The following FANCI variants were observed in gnomAD, a reference collection of about 807,000 sequenced individuals.
FANCI encodes the protein FA complementation group I, also known as Fanconi anemia group I protein.
In FANCI, 156 loss-of-function variants were observed where a neutral mutation model predicts 176.1. The observed-to-expected ratio is 0.89, with a 90% CI of 0.78 to 1.01. FANCI has a LOEUF of 1.01. Among genes scored for constraint, FANCI ranks in the 50% least tolerant of loss-of-function variants. The pLI, the probability that FANCI is intolerant of heterozygous loss-of-function variation, is 0.00. For missense variants in FANCI, 1,678 were observed against 1,534.1 expected, an observed-to-expected ratio of 1.09 and a Z score of -1.57; for synonymous variants, 613 against 541.7, an observed-to-expected ratio of 1.13 and a Z score of -1.83.
At chr15:89,310,244 C>T (rs934344713) in intron 34 of FANCI, among the ~76,000 whole-genome samples, 1 of 152,304 alleles carries the variant, frequency 6.6e-6, no homozygotes, top group East Asian at 1.9e-4. Flanking sequence ...AGATAACTTA[C>T]AAATAAACGA....
chr15:89,252,660 A>T (rs2052310496), intron 2 of FANCI, among the ~76,000 whole-genome samples: 2 of 152,178 alleles, frequency 1.3e-5, no homozygotes, highest in Non-Finnish European at 2.9e-5. Flanking sequence ...GAATTGCTTG[A>T]ACCCGGGAGG....
intron 24 of FANCI, among the ~76,000 whole-genome samples, chr15:89,298,960 C>G (rs1401118897): frequency 3.9e-5 from 6 of 152,080 alleles, no homozygotes; most frequent in Admixed American, 1.3e-4. Context: ...CACCTGAGGT[C>G]AGCAGTTCAA....
chr15:89,295,932 C>G (rs184309328), intron 24 of FANCI, among the ~76,000 whole-genome samples: 1 of 152,122 alleles, frequency 6.6e-6, no homozygotes, highest in East Asian at 1.9e-4. Flanking sequence ...CACCACCATG[C>G]CCAACTACTT....
At chr15:89,302,316 G>T (rs1033070276) in intron 27 of FANCI, among the ~76,000 whole-genome samples, 2 of 152,068 alleles carry the variant, frequency 1.3e-5, no homozygotes, top group African/African-American at 2.4e-5. Context: ...CTTCATCCCA[G>T]TTCCAAACAG....
At chr15:89,261,119 A>T (rs1456447894) in intron 4 of FANCI, among the ~76,000 whole-genome samples, 4 of 152,048 alleles carry the variant, frequency 2.6e-5, no homozygotes, top group African/African-American at 4.8e-5. Context: ...CAAAAGAAAA[A>T]AAATTAGCCG....
rs1773581052 is a variant in FANCI, at chr15:89,299,672, G to T, written c.2637-128G>T. 16 of 863,108 alleles carry T rather than the reference G, an allele frequency of 1.9e-5. No individual in the cohort carries two copies. The South Asian group carries it at 2.4e-4, about 13-fold the overall frequency. The allele number at this position is 863,108 out of a possible 1,614,324, so 53.5% of individuals were successfully genotyped here. ...GATAGAAATACCTTGATTGTGGGGA[G>T]ATTACACAACCATGTAAGTTTTTTT... On this transcript the variant is annotated intron_variant, in intron 24 of 37. Transcript: ENST00000310775.
rs1342998610 is a variant in FANCI, at chr15:89,292,773, A to AGGAGGAAGAGGC, written c.2079_2090dup (p.Glu694_Ala697dup). On this transcript the variant is annotated inframe_insertion, in exon 21 of 38. Coordinates refer to ENST00000310775, the MANE Select transcript of FANCI (RefSeq NM_001113378.2). ...TTACAGCAGGGAGAGGAGGAAGAGG[A>AGGAGGAAGAGGC]GGAGGAAGAGGCATTCTACGAAGAC... The AGGAGGAAGAGGC allele has an allele frequency of 2.5e-6, 4 of 1,614,004 alleles. No homozygotes were observed. The South Asian group carries it at 4.4e-5, about 18-fold the overall frequency.
At position 89,281,213 on chromosome 15, in the gene FANCI, A is replaced by T. The variant is rs770634041; in HGVS notation, c.1425A>T (p.Gln475His). The change falls in exon 15 of 38, where the codon CAA becomes CAT. Residue 475 changes from glutamine to histidine, a missense_variant. Gln to His is a conservative substitution (Grantham distance 24). Coordinates refer to ENST00000310775, the MANE Select transcript of FANCI (RefSeq NM_001113378.2). ...TCATGTATGCACCCTTAGTTCTTCA[A>T]AGTTGTTCTTCTAAAGTCACAGAAG... ...NIVMYAPLVL[Q>H]SCSSKVTEAF... The T allele has an allele frequency of 6.2e-7, 1 of 1,613,758 alleles. No individual in the cohort carries two copies. Among genetic ancestry groups the T allele is most frequent in the African/African-American group, 1.3e-5 (1 of 74,934 alleles).
intron 18 of FANCI, among the ~76,000 whole-genome samples, chr15:89,289,000 C>T (rs898414905): frequency 6.6e-6 from 1 of 151,674 alleles, no homozygotes; most frequent in Non-Finnish European, 1.5e-5. Flanking sequence ...TATTCACTAA[C>T]ATTTTCTTTG....
intron 18 of FANCI, among the ~76,000 whole-genome samples, chr15:89,288,087 G>A (rs570753023): frequency 5.0e-4 from 75 of 150,982 alleles, no homozygotes; most frequent in African/African-American, 1.6e-3. Flanking sequence ...ATTTGTAAAC[G>A]TAATATCTGC....
chr15:89,306,095 C>T lies in FANCI; in HGVS notation c.3438C>T (p.His1146=), dbSNP rs2054707355. Residue 1146 remains histidine, a synonymous_variant, in exon 32 of 38, where the codon CAC becomes CAT. Transcript: ENST00000310775. ...TGGGAACTCTGCTTACATTTTTCCA[C>T]GAGCTGGTGCAGACAGCTCTGCCAT... ...MQLGTLLTFF[H]ELVQTALPSG... The T allele has an allele frequency of 4.3e-6, 7 of 1,614,214 alleles. No homozygotes were observed. Among genetic ancestry groups the T allele is most frequent in the African/African-American group, 1.3e-5 (1 of 75,046 alleles).
At chr15:89,273,567 C>G (rs1444981196) in intron 11 of FANCI, 98 bp downstream of exon 11, 1 of 780,464 alleles carries the variant, frequency 1.3e-6, no homozygotes, top group African/African-American at 1.8e-5. Context: ...GTATCCGTTC[C>G]TAAACAATTT....
At chr15:89,250,800 C>T (rs772022606) in intron 2 of FANCI, among the ~76,000 whole-genome samples, 36 of 150,362 alleles carry the variant, frequency 2.4e-4, no homozygotes, top group Non-Finnish European at 5.2e-4. Flanking sequence ...TTACAGATAA[C>T]AAAAATACTA....
At chr15:89,307,379 CAGTCAGAATGATG>C in intron 32 of FANCI, 84 bp from the exon 33 acceptor site, 1 of 1,225,572 alleles carries the variant, frequency 8.2e-7, no homozygotes, top group Non-Finnish European at 1.2e-6. Flanking sequence ...TTTTCCTCTT[CAGTCAGAATGATG>C]AGTCACACTC....
At chr15:89,307,815 G>T (rs2054786049) in intron 34 of FANCI, 143 bp downstream of exon 34, 3 of 1,543,620 alleles carry the variant, frequency 1.9e-6, no homozygotes, top group Non-Finnish European at 2.6e-6. Flanking sequence ...CAGAGACCAA[G>T]CCAAGGCTTG....
chr15:89,316,572 C>T lies in FANCI; in HGVS notation c.*113C>T, dbSNP rs1186031732. The T allele has an allele frequency of 1.2e-5, 15 of 1,214,386 alleles. No homozygotes were observed. Among genetic ancestry groups the T allele is most frequent in the South Asian group, 2.6e-5 (2 of 78,330 alleles). The allele number at this position is 1,214,386 out of a possible 1,614,324, so 75.2% of individuals were successfully genotyped here. Reference sequence around the variant, plus strand: ...CCGATGTTGGCATCTTGGTTCTGAACCCACTGAATTCAACTGCACCTTCAG... The same window carrying T: ...CCGATGTTGGCATCTTGGTTCTGAATCCACTGAATTCAACTGCACCTTCAG... On this transcript the variant is annotated 3_prime_UTR_variant, in exon 38 of 38. Transcript: ENST00000310775.
chr15:89,269,597 G>T (rs192123749), intron 10 of FANCI, among the ~76,000 whole-genome samples: 1 of 152,118 alleles, frequency 6.6e-6, no homozygotes, highest in Non-Finnish European at 1.5e-5. Flanking sequence ...AGAATACTTC[G>T]TAAGTGATGT....
At chr15:89,262,745 T>C (rs1261800353) in intron 6 of FANCI, among the ~76,000 whole-genome samples, 1 of 152,280 alleles carries the variant, frequency 6.6e-6, no homozygotes, top group Non-Finnish European at 1.5e-5. Context: ...TTGCATTTTT[T>C]ATTTAATACA....
At chr15:89,293,702 A>G in intron 22 of FANCI, 131 bp from the exon 23 acceptor site, 1 of 960,534 alleles carries the variant, frequency 1.0e-6, no homozygotes, top group Non-Finnish European at 1.6e-6. Context: ...ATATTAATGA[A>G]GTTCTATTCA....
Sources: gnomAD v4.1 joint callset for allele counts (sites outside exome capture counted in the v4.1 genomes callset) on GRCh38, gnomAD v4.1.1 for gene constraint, MANE v1.5 for transcripts, NCBI Gene and HGNC (gene_info 2026-07-23, HGNC 2026-07-21) for gene names.